APOL6: variants seen among roughly 807,000 people sequenced by gnomAD.
The protein encoded by APOL6 is apolipoprotein L6.
Under a neutral mutation model 2.4 loss-of-function variants are expected in APOL6, and 1 was observed. The ratio of observed to expected loss-of-function variants is 0.41; its 90% CI spans 0.15 to 1.94. The LOEUF (loss-of-function observed/expected upper bound fraction) is 1.94. Among genes scored for constraint, APOL6 ranks in the 30% most tolerant of loss-of-function variants. The pLI is 0.30. For missense variants in APOL6, 438 were observed against 429.2 expected (o/e 1.02, Z -0.18); for synonymous variants, 189 against 169.3 (o/e 1.12, Z -0.90).
chr22:35,653,954 A>G (rs182896069), intron 1 of APOL6, among the ~76,000 whole-genome samples: 53 of 152,132 alleles, frequency 3.5e-4, no homozygotes, highest in African/African-American at 1.2e-3. Context: ...GGTTTCCACA[A>G]CTCCCTCCTC....
chr22:35,654,911 G>A lies in APOL6; in HGVS notation c.-47-1468G>A, dbSNP rs554178992. 1.5e-3 allele frequency among the ~76,000 whole-genome samples: 230 copies of A among 152,202 alleles called. 1 individual carries two copies. Among genetic ancestry groups the A allele is most frequent in the South Asian group, 5.0e-3 (24 of 4,826 alleles). ...AAATTTACAAAGGTCTTTCTATCAA[G>A]GAGAATAAAGGTTAACCACTGAGAA... On this transcript the variant is annotated intron_variant, in intron 1 of 2. Transcript: ENST00000409652.
intron 1 of APOL6, among the ~76,000 whole-genome samples, chr22:35,652,336 A>G (rs899803821): frequency 1.3e-5 from 2 of 151,568 alleles, no homozygotes; most frequent in African/African-American, 2.4e-5. Context: ...ATTTTCTCCC[A>G]TTCTGTAGGT....
At chr22:35,655,286 A>G (rs1335841708) in intron 1 of APOL6, among the ~76,000 whole-genome samples, 2 of 152,200 alleles carry the variant, frequency 1.3e-5, no homozygotes, top group East Asian at 3.9e-4. Context: ...TTAGAAGGGC[A>G]GAGGGAAAAT....
chr22:35,667,236 G>T lies in APOL6; in HGVS notation c.*7640G>T. 6.6e-6 allele frequency: 1 copy of T among 152,200 alleles called. No homozygotes were observed. Among genetic ancestry groups the T allele is most frequent in the South Asian group, 2.1e-4 (1 of 4,826 alleles). 9.4% of individuals were successfully genotyped at this position (152,200 alleles called of 1,614,324 possible). On this transcript the variant is annotated 3_prime_UTR_variant, in exon 3 of 3. Coordinates refer to ENST00000409652, the MANE Select transcript of APOL6 (RefSeq NM_030641.4). ...GGTTTACCTCAGAACCTCAAGAGGA[G>T]AGGAAATTCACCCAATTTATAAGTA... is the stretch of plus-strand genomic sequence containing the variant.
At chr22:35,657,721 T>A (rs894397357) in intron 2 of APOL6, among the ~76,000 whole-genome samples, 9 of 152,186 alleles carry the variant, frequency 5.9e-5, no homozygotes, top group Admixed American at 2.6e-4. Flanking sequence ...CTGATGTTCT[T>A]CTTTGGGCCA....
At chr22:35,649,299 A>G (rs959785203) in intron 1 of APOL6, among the ~76,000 whole-genome samples, 2 of 151,924 alleles carry the variant, frequency 1.3e-5, no homozygotes, top group Non-Finnish European at 2.9e-5. Flanking sequence ...GCTGGGCGTG[A>G]TGGTGCACAC....
intron 1 of APOL6, 38 bp from the exon 2 acceptor site, chr22:35,656,341 T>A: frequency 2.0e-6 from 3 of 1,488,854 alleles, no homozygotes; most frequent in Non-Finnish European, 2.8e-6. Context: ...GGTTTCATCA[T>A]ATGTGCAGTA....
rs1925213515 is a variant in APOL6, at chr22:35,667,295, T to C, written c.*7699T>C. 1 of 152,228 alleles carries C rather than the reference T, an allele frequency of 6.6e-6. No homozygotes were observed. The highest frequency in any genetic ancestry group is 2.4e-5 in the African/African-American group (1 of 41,448). The allele number at this position is 152,228 out of a possible 1,614,324, so 9.4% of individuals were successfully genotyped here. A position where few individuals can be genotyped will look rare whatever the true frequency, so the allele number is the denominator to read the frequency against. ...CACAAATCCATGGCTGGGCATGGCT[T>C]TAAGAAAGTCTTATCTGAGATTCCT... On this transcript the variant is annotated 3_prime_UTR_variant, in exon 3 of 3. Coordinates refer to ENST00000409652, the MANE Select transcript of APOL6 (RefSeq NM_030641.4).
chr22:35,661,984 A>C lies in APOL6; in HGVS notation c.*2388A>C, dbSNP rs1334208866. 1 of 152,220 alleles carries C rather than the reference A, an allele frequency of 6.6e-6. No individual in the cohort carries two copies. The highest frequency in any genetic ancestry group is 2.4e-5 in the African/African-American group (1 of 41,452). The allele number at this position is 152,220 out of a possible 1,614,324, so 9.4% of individuals were successfully genotyped here. ...ACTATAGTTGAAAGAATAAGCAAAA[A>C]GTCTATCTAGGTGTGCTGTCTTGAG... On this transcript the variant is annotated 3_prime_UTR_variant, in exon 3 of 3. Transcript: ENST00000409652.
intron 1 of APOL6, among the ~76,000 whole-genome samples, chr22:35,650,687 T>C (rs575293540): frequency 1.8e-4 from 27 of 152,320 alleles, no homozygotes; most frequent in African/African-American, 6.5e-4. Context: ...CCCAGCACTT[T>C]GGGAGCCCGA....
In APOL6 at chr22:35,659,493, C is replaced by A. The variant is rs1250396525; in HGVS notation, c.929C>A (p.Thr310Asn). Residue 310 changes from threonine to asparagine, a missense_variant, in exon 3 of 3, where the codon ACC becomes AAC. Coordinates refer to ENST00000409652, the MANE Select transcript of APOL6 (RefSeq NM_030641.4). ...GGGGTGGGGAAGGATTTAACTGGGA[C>A]CTGCGAAACCGAGGCTTACTGGAAG... Reference protein sequence around the residue: ...ARGVGKDLTGTCETEAYWKEL... With the variant: ...ARGVGKDLTGNCETEAYWKEL... 12 of 1,614,068 alleles carry A rather than the reference C, an allele frequency of 7.4e-6. No individual in the cohort carries two copies. Among genetic ancestry groups the A allele is most frequent in the Non-Finnish European group, 1.0e-5 (12 of 1,180,008 alleles).
At position 35,667,006 on chromosome 22, in the gene APOL6, A is replaced by C. The variant is rs1002115921; in HGVS notation, c.*7410A>C. ...CAATAAGAATCTGTTCTAATTTGTA[A>C]CAGGACACGATTGGAGAAATTGGTT... On this transcript the variant is annotated 3_prime_UTR_variant, in exon 3 of 3. Transcript: ENST00000409652. 2.2e-4 allele frequency: 34 copies of C among 152,230 alleles called. No homozygotes were observed. Among genetic ancestry groups the C allele is most frequent in the African/African-American group, 7.7e-4 (32 of 41,458 alleles). 9.4% of individuals were successfully genotyped at this position (152,230 alleles called of 1,614,324 possible). A position where few individuals can be genotyped will look rare whatever the true frequency, so the allele number is the denominator to read the frequency against.
intron 1 of APOL6, among the ~76,000 whole-genome samples, chr22:35,650,189 C>T (rs532572993): frequency 2.2e-4 from 33 of 152,264 alleles, no homozygotes; most frequent in African/African-American, 7.5e-4. Flanking sequence ...AGGTGCCAAG[C>T]CCCCTAAACC....
Position 35,664,516 on chromosome 22 carries a change from A to G in APOL6, c.*4920A>G, listed in dbSNP as rs890512057. ...AAGGACAGCTTGGAAGTTAAGAGCA[A>G]GGTGGAGTCAGTTAGGTCAAATCGT... is the stretch of plus-strand genomic sequence containing the variant. On this transcript the variant is annotated 3_prime_UTR_variant, in exon 3 of 3. Coordinates refer to ENST00000409652, the MANE Select transcript of APOL6 (RefSeq NM_030641.4). 1.3e-5 allele frequency: 2 copies of G among 152,240 alleles called. No individual in the cohort carries two copies. Among genetic ancestry groups the G allele is most frequent in the African/African-American group, 2.4e-5 (1 of 41,464 alleles). The allele number at this position is 152,240 out of a possible 1,614,324, so 9.4% of individuals were successfully genotyped here.
In APOL6 at chr22:35,659,718, T is replaced by G; in HGVS notation, c.*122T>G. ...ATGCCTTCTGTTTCTCCTTCAATGC[T>G]CCTTAAGGCCTATGTGCTGGGAAAA... On this transcript the variant is annotated 3_prime_UTR_variant, in exon 3 of 3. Coordinates refer to ENST00000409652, the MANE Select transcript of APOL6 (RefSeq NM_030641.4). 7 of 1,360,708 alleles carry G rather than the reference T, an allele frequency of 5.1e-6. No individual in the cohort carries two copies. The highest frequency in any genetic ancestry group is 6.8e-6 in the Non-Finnish European group (7 of 1,024,090). The allele number at this position is 1,360,708 out of a possible 1,614,324, so 84.3% of individuals were successfully genotyped here. A position where few individuals can be genotyped will look rare whatever the true frequency, so the allele number is the denominator to read the frequency against.
At position 35,660,145 on chromosome 22, in the gene APOL6, A is replaced by T. The variant is rs181244849; in HGVS notation, c.*549A>T. 6.4e-6 allele frequency: 1 copy of T among 157,244 alleles called. No homozygotes were observed. The highest frequency in any genetic ancestry group is 2.4e-5 in the African/African-American group (1 of 41,600). 9.7% of individuals were successfully genotyped at this position (157,244 alleles called of 1,614,324 possible). On this transcript the variant is annotated 3_prime_UTR_variant, in exon 3 of 3. Coordinates refer to ENST00000409652, the MANE Select transcript of APOL6 (RefSeq NM_030641.4). ...CTAAATTGTCTCCTCCTCCCAATTC[A>T]TATGTTGAAGTCCTAAACCAAAATG...
intron 2 of APOL6, 124 bp from the exon 3 acceptor site, chr22:35,658,491 T>C (rs1024571185): frequency 8.3e-6 from 7 of 841,802 alleles, no homozygotes; most frequent in South Asian, 7.4e-5. Context: ...CTAGGACTTT[T>C]CAGGGGATTT....
chr22:35,652,554 A>G (rs929175605), intron 1 of APOL6, among the ~76,000 whole-genome samples: 1 of 152,142 alleles, frequency 6.6e-6, no homozygotes, highest in African/African-American at 2.4e-5. Context: ...TCTTTAATCC[A>G]TCTTGAATTA....
intron 1 of APOL6, among the ~76,000 whole-genome samples, chr22:35,651,271 C>T (rs1413185689): frequency 6.6e-6 from 1 of 152,162 alleles, no homozygotes; most frequent in African/African-American, 2.4e-5. Context: ...CGCACTTCTG[C>T]TGCAGGCTCC....
Sources: allele counts gnomAD v4.1 joint callset (sites outside exome capture counted in the v4.1 genomes callset), GRCh38; gene constraint gnomAD v4.1.1; transcripts MANE v1.5; gene names NCBI Gene and HGNC (gene_info 2026-07-23, HGNC 2026-07-21).